DACH2: variants seen among roughly 807,000 people sequenced by gnomAD.
DACH2 encodes the protein dachshund family transcription factor 2, also known as dachshund homolog 2.
Under a neutral mutation model 35.8 loss-of-function variants are expected in DACH2, and 17 were observed. The ratio of observed to expected loss-of-function variants is 0.48; its 90% confidence interval spans 0.33 to 0.71. The LOEUF is 0.71. Ranked by LOEUF, DACH2 falls within the 30% of genes least tolerant of loss-of-function variation. The pLI is 0.02. For synonymous variants in DACH2, 195 were observed against 177.3 expected, an observed-to-expected ratio of 1.10 and a Z score of -0.79; for missense variants, 469 against 472.7, an observed-to-expected ratio of 0.99 and a Z score of 0.07.
At position 86,606,410 on chromosome X, in the gene DACH2, A is replaced by T. The variant is rs190813556; in HGVS notation, c.641-44626A>T. 2.3e-4 allele frequency among the ~76,000 whole-genome samples: 25 copies of T among 108,690 alleles called. No homozygotes were observed. The East Asian group carries it at 6.7e-3, about 29-fold the overall frequency. The allele number at this position is 108,690 out of a possible 115,157, so 94.4% of individuals were successfully genotyped here. On this transcript the variant is annotated intron_variant, in intron 3 of 11. Transcript: ENST00000373125. ...TTTCCATTATCATTTGTTTCAAGAA[A>T]TTTTTTCAATTTTTCAATTAATTTT...
intron 3 of DACH2, among the ~76,000 whole-genome samples, chrX:86,551,063 G>A (rs1020621924): frequency 8.1e-5 from 9 of 111,622 alleles, no homozygotes; most frequent in African/African-American, 2.3e-4. Flanking sequence ...TCTGACAAGC[G>A]AGGCCTGCAA....
intron 5 of DACH2, among the ~76,000 whole-genome samples, chrX:86,698,514 G>GT (rs1345238527): frequency 7.0e-4 from 24 of 34,329 alleles, no homozygotes; most frequent in Non-Finnish European, 1.1e-3. Flanking sequence ...TGTTTTGTTA[G>GT]TTTTGTGTTT....
chrX:86,322,595 C>T (rs2035036564), intron 1 of DACH2, among the ~76,000 whole-genome samples: 1 of 111,896 alleles, frequency 8.9e-6, no homozygotes, highest in South Asian at 3.7e-4. Context: ...CCTTATTCCT[C>T]TGCCTGGTAA....
intron 11 of DACH2, chrX:86,831,871 A>T (rs1427799128): frequency 3.6e-5 from 12 of 334,809 alleles, no homozygotes; most frequent in Non-Finnish European, 5.6e-5. Flanking sequence ...ATCAGTCTTC[A>T]ATGTCTCCGG....
At chrX:86,829,417 T>A in intron 11 of DACH2, 1 of 112,474 alleles carries the variant, frequency 8.9e-6, no homozygotes, top group African/African-American at 3.2e-5. Flanking sequence ...TAAACTAGTG[T>A]CTTTTGTTTA....
intron 2 of DACH2, among the ~76,000 whole-genome samples, chrX:86,400,333 T>G (rs1478684028): frequency 9.0e-6 from 1 of 111,393 alleles, no homozygotes; most frequent in African/African-American, 3.3e-5. Context: ...TCAAACTTCC[T>G]CCTTTAGCTC....
intron 2 of DACH2, among the ~76,000 whole-genome samples, chrX:86,491,004 A>C (rs1602577561): frequency 9.0e-6 from 1 of 111,262 alleles, no homozygotes; most frequent in African/African-American, 3.3e-5. Flanking sequence ...TTGGAGGATT[A>C]GAGTTTGGAA....
chrX:86,201,222 G>T (rs242877), intron 1 of DACH2, among the ~76,000 whole-genome samples: 14,165 of 105,778 alleles, frequency 0.13, 2,603 homozygotes, highest in African/African-American at 0.47. Flanking sequence ...CACTTATAAG[G>T]GGGAGCTAAA....
chrX:86,348,570 A>G (rs1463218773), intron 1 of DACH2, among the ~76,000 whole-genome samples: 1 of 111,731 alleles, frequency 9.0e-6, no homozygotes, highest in African/African-American at 3.3e-5. Context: ...CATATTTGCT[A>G]AATTTGTTGA....
intron 11 of DACH2, among the ~76,000 whole-genome samples, chrX:86,822,240 G>A (rs1473816283): frequency 8.9e-6 from 1 of 111,849 alleles, no homozygotes; most frequent in Admixed American, 9.5e-5. Flanking sequence ...CATTTTCATA[G>A]TACCTTAAAA....
chrX:86,630,423 CATATAT>C lies in DACH2; in HGVS notation c.641-20606_641-20601del, dbSNP rs751878867. Among the ~76,000 whole-genome samples the C allele has an allele frequency of 8.9e-3, 961 of 107,966 alleles. 6 individuals are homozygous for C. The highest frequency in any genetic ancestry group is 0.013 in the Non-Finnish European group (667 of 52,253). 93.8% of individuals were successfully genotyped at this position (107,966 alleles called of 115,157 possible). A position where few individuals can be genotyped will look rare whatever the true frequency, so the allele number is the denominator to read the frequency against. On this transcript the variant is annotated intron_variant, in intron 3 of 11. Transcript: ENST00000373125. Reference sequence around the variant, plus strand: ...ATATATACACATATATATATACACACATATATATATATGAACGAGAGAGAGCTTGTG... The same window carrying C: ...ATATATACACATATATATATACACACATATATGAACGAGAGAGAGCTTGTG...
At chrX:86,365,988 T>A (rs972485148) in intron 1 of DACH2, among the ~76,000 whole-genome samples, 11 of 111,670 alleles carry the variant, frequency 9.9e-5, no homozygotes, top group Non-Finnish European at 1.3e-4. Context: ...GATTTTATTA[T>A]TAGAAAGGAA....
intron 1 of DACH2, among the ~76,000 whole-genome samples, chrX:86,194,407 G>A (rs1204934647): frequency 1.8e-5 from 2 of 111,768 alleles, no homozygotes; most frequent in Non-Finnish European, 3.8e-5. Flanking sequence ...CTGCCACCAA[G>A]GGAATGAGAC....
At chrX:86,449,851 T>C (rs1424228726) in intron 2 of DACH2, among the ~76,000 whole-genome samples, 1 of 111,645 alleles carries the variant, frequency 9.0e-6, no homozygotes, top group Admixed American at 9.6e-5. Flanking sequence ...TTTAACAAAT[T>C]ATTGTAATTA....
chrX:86,282,185 A>T (rs772698869), intron 1 of DACH2, among the ~76,000 whole-genome samples: 114 of 111,492 alleles, frequency 1.0e-3, no homozygotes, highest in African/African-American at 3.1e-3. Context: ...AAAAGAGCTC[A>T]TATAGCCAAG....
At chrX:86,213,396 C>T (rs6652447) in intron 1 of DACH2, among the ~76,000 whole-genome samples, 7,365 of 110,962 alleles carry the variant, frequency 0.066, 603 homozygotes, top group African/African-American at 0.22. Flanking sequence ...TTTGGTTCAT[C>T]TTTCTAAATA....
intron 2 of DACH2, among the ~76,000 whole-genome samples, chrX:86,468,798 G>T (rs1025151099): frequency 9.0e-6 from 1 of 111,252 alleles, no homozygotes; most frequent in South Asian, 3.8e-4. Context: ...CAGTATGGAG[G>T]TTCCTCAGAA....
At chrX:86,647,120 G>T in intron 3 of DACH2, among the ~76,000 whole-genome samples, 1 of 110,041 alleles carries the variant, frequency 9.1e-6, no homozygotes, top group South Asian at 3.7e-4. Flanking sequence ...CAGTATGTTG[G>T]TTTCTCAAAA....
chrX:86,403,606 T>G (rs770140938), intron 2 of DACH2, among the ~76,000 whole-genome samples: 73 of 112,063 alleles, frequency 6.5e-4, no homozygotes, highest in African/African-American at 2.3e-3. Flanking sequence ...TGTAAATCAG[T>G]TCAGCCACTG....
Sources: allele counts gnomAD v4.1 joint callset (sites outside exome capture counted in the v4.1 genomes callset), GRCh38; gene constraint gnomAD v4.1.1; transcripts MANE v1.5; gene names NCBI Gene and HGNC (gene_info 2026-07-23, HGNC 2026-07-21).